The following GALNT17 variants were observed in gnomAD, a reference collection of about 807,000 sequenced individuals.
GALNT17 encodes the protein polypeptide N-acetylgalactosaminyltransferase 17.
GALNT17 carries 29 observed loss-of-function variants against 63.7 expected under a neutral mutation model. The observed-to-expected ratio is 0.46, with a 90% confidence interval of 0.34 to 0.62. GALNT17 has a LOEUF of 0.62. Among genes scored for constraint, GALNT17 ranks in the 20% least tolerant of loss-of-function variants. GALNT17 has a pLI of 0.01. For synonymous variants in GALNT17, 305 were observed against 318.3 expected (o/e 0.96, Z 0.45); for missense variants, 603 against 799.6 (o/e 0.75, Z 2.97).
At chr7:71,582,226 G>A (rs1584067944) in intron 6 of GALNT17, among the ~76,000 whole-genome samples, 2 of 151,978 alleles carry the variant, frequency 1.3e-5, no homozygotes, top group South Asian at 2.1e-4. Flanking sequence ...AGCACAATTC[G>A]TAATTGCAAA....
At chr7:71,231,357 A>G (rs1321107689) in intron 1 of GALNT17, among the ~76,000 whole-genome samples, 1 of 151,846 alleles carries the variant, frequency 6.6e-6, no homozygotes, top group Non-Finnish European at 1.5e-5. Context: ...GATTTAGTAG[A>G]TATAGGATGG....
chr7:71,689,304 G>A (rs941109168), intron 9 of GALNT17, among the ~76,000 whole-genome samples: 2 of 152,116 alleles, frequency 1.3e-5, no homozygotes, highest in African/African-American at 2.4e-5. Context: ...TGAAAGCTAG[G>A]CCTCTTGTGC....
In GALNT17 at chr7:71,392,414, CA is replaced by C. The variant is rs1255600057; in HGVS notation, c.589+4014del. ...GGGTGAGGAAGCTGGGGTATTTATA[CA>C]CCTTTAGCAGCAAATGTTTTAGTGT... is the stretch of plus-strand genomic sequence containing the variant. On this transcript the variant is annotated intron_variant, in intron 3 of 10. Transcript: ENST00000333538. Among the ~76,000 whole-genome samples the C allele has an allele frequency of 4.6e-5, 7 of 152,148 alleles. No individual in the cohort carries two copies. The East Asian group carries it at 1.2e-3, about 25-fold the overall frequency.
chr7:71,422,525 G>A (rs1786684548), intron 5 of GALNT17, among the ~76,000 whole-genome samples: 1 of 152,194 alleles, frequency 6.6e-6, no homozygotes, highest in Non-Finnish European at 1.5e-5. Context: ...CCCTTTGCGG[G>A]GCATATGACA....
At chr7:71,498,927 C>T (rs536336846) in intron 5 of GALNT17, among the ~76,000 whole-genome samples, 3 of 152,184 alleles carry the variant, frequency 2.0e-5, no homozygotes, top group African/African-American at 7.2e-5. Flanking sequence ...CCTTTGAGGA[C>T]ATGGTGACAT....
intron 5 of GALNT17, among the ~76,000 whole-genome samples, chr7:71,541,888 C>T (rs1473346101): frequency 2.0e-5 from 3 of 152,188 alleles, no homozygotes; most frequent in Non-Finnish European, 4.4e-5. Flanking sequence ...TACTGCTGCT[C>T]TCCTAGGAAT....
intron 1 of GALNT17, among the ~76,000 whole-genome samples, chr7:71,239,677 C>T (rs568809785): frequency 4.6e-5 from 7 of 152,192 alleles, no homozygotes; most frequent in African/African-American, 1.2e-4. Context: ...ATCTCTGAAA[C>T]GGCACAGCTG....
At chr7:71,457,693 C>T (rs1420669925) in intron 5 of GALNT17, among the ~76,000 whole-genome samples, 2 of 152,118 alleles carry the variant, frequency 1.3e-5, no homozygotes, top group African/African-American at 4.8e-5. Context: ...GTGAAAATGA[C>T]CAGAGGTCAC....
intron 6 of GALNT17, among the ~76,000 whole-genome samples, chr7:71,581,782 T>G (rs1425920451): frequency 6.6e-6 from 1 of 152,144 alleles, no homozygotes; most frequent in African/African-American, 2.4e-5. Context: ...AGTTCCATTT[T>G]AGAAATGCTG....
rs759429936 is a variant in GALNT17 at position 71,132,614 on chromosome 7, G to A, written c.-189G>A. 8 of 571,314 alleles carry A rather than the reference G, an allele frequency of 1.4e-5. No individual in the cohort carries two copies. Among genetic ancestry groups the A allele is most frequent in the East Asian group, 3.1e-5 (1 of 32,660 alleles). 35.4% of individuals were successfully genotyped at this position (571,314 alleles called of 1,614,324 possible). A position where few individuals can be genotyped will look rare whatever the true frequency, so the allele number is the denominator to read the frequency against. On this transcript the variant is annotated 5_prime_UTR_variant, in exon 1 of 11. Coordinates refer to ENST00000333538, the MANE Select transcript of GALNT17 (RefSeq NM_022479.3). ...CGAGGACTTCCATGTGAGCGATTCC[G>A]TTCTCCCCACCACCAATCCGACCTC...
intron 6 of GALNT17, among the ~76,000 whole-genome samples, chr7:71,617,094 GTTATATAC>G (rs1487692235): frequency 6.8e-6 from 1 of 147,056 alleles, no homozygotes; most frequent in Non-Finnish European, 1.5e-5. Context: ...TTATGTATCA[GTTATATAC>G]TTAATTATAT....
At position 71,420,989 on chromosome 7, in the gene GALNT17, C is replaced by T; in HGVS notation, c.846C>T (p.Asn282=). 1 of 1,614,190 alleles carries T rather than the reference C, an allele frequency of 6.2e-7. No individual in the cohort carries two copies. ...CCATTGACAACATCAAACAGGACAA[C>T]TTTGAGGTGCAGCGGTACGAGAACT... ...LPSIDNIKQD[N]FEVQRYENSA... The change falls in exon 5 of 11, where the codon AAC becomes AAT. Residue 282 remains asparagine, a synonymous_variant. Coordinates refer to ENST00000333538, the MANE Select transcript of GALNT17 (RefSeq NM_022479.3).
chr7:71,146,572 G>A (rs1298428838), intron 1 of GALNT17, among the ~76,000 whole-genome samples: 2 of 152,090 alleles, frequency 1.3e-5, no homozygotes, highest in Non-Finnish European at 2.9e-5. Context: ...CAGGGAGAGG[G>A]AGTGCTCACT....
intron 1 of GALNT17, among the ~76,000 whole-genome samples, chr7:71,225,069 A>G (rs1789656891): frequency 1.3e-5 from 2 of 152,008 alleles, no homozygotes; most frequent in African/African-American, 2.4e-5. Context: ...CCTGGGTTCA[A>G]GTGATTCTCT....
chr7:71,415,445 G>A (rs922357304), intron 3 of GALNT17, among the ~76,000 whole-genome samples: 1 of 152,122 alleles, frequency 6.6e-6, no homozygotes, highest in African/African-American at 2.4e-5. Context: ...TGCCTCCAAG[G>A]TAGCATTTCT....
At chr7:71,445,928 A>C (rs915229996) in intron 5 of GALNT17, among the ~76,000 whole-genome samples, 2 of 152,238 alleles carry the variant, frequency 1.3e-5, no homozygotes, top group South Asian at 4.1e-4. Context: ...CCACTGCCTT[A>C]TAGTATTTTC....
intron 7 of GALNT17, 49 bp from the exon 8 acceptor site, chr7:71,669,923 G>A (rs1178336395): frequency 6.2e-7 from 1 of 1,607,156 alleles, no homozygotes; most frequent in Non-Finnish European, 8.5e-7. Context: ...CCCCACTCTG[G>A]CCAGAGCTCC....
chr7:71,613,092 T>A, intron 6 of GALNT17, among the ~76,000 whole-genome samples: 1 of 152,126 alleles, frequency 6.6e-6, no homozygotes, highest in Non-Finnish European at 1.5e-5. Context: ...TTGGTTCCAA[T>A]TAAAAAGCAA....
intron 2 of GALNT17, among the ~76,000 whole-genome samples, chr7:71,379,220 G>T (rs1232352942): frequency 6.6e-6 from 1 of 152,138 alleles, no homozygotes; most frequent in African/African-American, 2.4e-5. Flanking sequence ...AGAACAGTTT[G>T]TGTGACTTGA....
Sources: gnomAD v4.1 joint callset for allele counts (sites outside exome capture counted in the v4.1 genomes callset) on GRCh38, gnomAD v4.1.1 for gene constraint, MANE v1.5 for transcripts, NCBI Gene and HGNC (gene_info 2026-07-23, HGNC 2026-07-21) for gene names.